SMURF1: variants seen among roughly 807,000 people sequenced by gnomAD.
The protein encoded by SMURF1 is SMAD specific E3 ubiquitin protein ligase 1.
Under a neutral mutation model 98.0 loss-of-function variants are expected in SMURF1, and 44 were observed. The ratio of observed to expected loss-of-function variants is 0.45; its 90% CI spans 0.35 to 0.58. The LOEUF (loss-of-function observed/expected upper bound fraction) is 0.58. SMURF1 is among the 20% of genes least tolerant of loss of function. The pLI, the probability that SMURF1 is intolerant of heterozygous loss-of-function variation, is 0.00. For synonymous variants in SMURF1, 396 were observed against 374.9 expected (o/e 1.06, Z -0.65); for missense variants, 687 against 938.4 (o/e 0.73, Z 3.50).
intron 1 of SMURF1, among the ~76,000 whole-genome samples, chr7:99,134,794 T>G (rs1053580110): frequency 2.0e-5 from 3 of 152,214 alleles, no homozygotes; most frequent in African/African-American, 7.2e-5. Context: ...ATAAATTATG[T>G]AAACCACTAT....
At chr7:99,143,354 C>T (rs1798181006) in intron 1 of SMURF1, among the ~76,000 whole-genome samples, 1 of 126,988 alleles carries the variant, frequency 7.9e-6, no homozygotes, top group African/African-American at 3.1e-5. Flanking sequence ...GGGGAAAGGG[C>T]CTGGAAGGAG....
At chr7:99,116,418 TA>T (rs1797455098) in intron 1 of SMURF1, among the ~76,000 whole-genome samples, 1 of 152,010 alleles carries the variant, frequency 6.6e-6, no homozygotes, top group African/African-American at 2.4e-5. Context: ...ATGGAAGAAG[TA>T]AAACTATCTC....
At chr7:99,142,919 G>A (rs2150663146) in intron 1 of SMURF1, among the ~76,000 whole-genome samples, 2 of 140,176 alleles carry the variant, frequency 1.4e-5, no homozygotes, top group African/African-American at 5.4e-5. Flanking sequence ...GATGGGAAGC[G>A]AGGAGAAGGA....
intron 1 of SMURF1, among the ~76,000 whole-genome samples, chr7:99,119,726 C>T (rs1330189007): frequency 2.0e-5 from 3 of 152,118 alleles, no homozygotes; most frequent in Non-Finnish European, 4.4e-5. Context: ...CAGTTGGGGG[C>T]CTTTGGGCAC....
chr7:99,056,273 CAG>C (rs1424685082), intron 5 of SMURF1, among the ~76,000 whole-genome samples: 1 of 152,024 alleles, frequency 6.6e-6, no homozygotes, highest in Admixed American at 6.6e-5. Flanking sequence ...CAGTGTGCTG[CAG>C]AGAGACCTTT....
chr7:99,060,523 C>G (rs1406735007), intron 3 of SMURF1, 76 bp downstream of exon 3: 25 of 780,902 alleles, frequency 3.2e-5, no homozygotes, highest in Non-Finnish European at 4.3e-5. Flanking sequence ...TTTTTTTTCT[C>G]TTGGATGTTT....
intron 1 of SMURF1, among the ~76,000 whole-genome samples, chr7:99,062,702 G>T (rs1796059775): frequency 6.6e-6 from 1 of 152,024 alleles, no homozygotes; most frequent in African/African-American, 2.4e-5. Flanking sequence ...ACAAAAATTA[G>T]CTGTGTGTGG....
chr7:99,093,212 C>T (rs1796854054), intron 1 of SMURF1, among the ~76,000 whole-genome samples: 1 of 152,170 alleles, frequency 6.6e-6, no homozygotes, highest in Admixed American at 6.5e-5. Flanking sequence ...TTCCCACTTC[C>T]AGAATTATAA....
chr7:99,063,241 T>TTATATA (rs1178325637), intron 1 of SMURF1, among the ~76,000 whole-genome samples: 3 of 34,910 alleles, frequency 8.6e-5, no homozygotes, highest in Non-Finnish European at 1.6e-4. Context: ...TAAGATTTAT[T>TTATATA]TATATATATA....
intron 16 of SMURF1, 147 bp from the exon 17 acceptor site, chr7:99,033,268 G>C (rs1794988862): frequency 1.4e-6 from 1 of 734,918 alleles, no homozygotes. Flanking sequence ...GAGGTTCCCA[G>C]GCCTGGTTTT....
At chr7:99,071,807 C>A (rs1796330473) in intron 1 of SMURF1, among the ~76,000 whole-genome samples, 2 of 152,164 alleles carry the variant, frequency 1.3e-5, no homozygotes, top group African/African-American at 4.8e-5. Context: ...GACTCAGCGG[C>A]TCATGCCTGT....
rs1795244188 is a variant in SMURF1 at position 99,038,536 on chromosome 7, AAGACAGAAGGATGTAGGTT to A, written c.1551-30_1551-12del. On this transcript the variant is annotated splice_polypyrimidine_tract_variant and intron_variant, in intron 13 of 17. Coordinates refer to ENST00000361368, the MANE Select transcript of SMURF1 (RefSeq NM_181349.3). ...GTGATGTCGTTCTCTCTGTTGAAATAAGACAGAAGGATGTAGGTTAGAACTCTGCCACCACGCGGGGCCA... is the reference window on the plus strand; with the variant it reads ...GTGATGTCGTTCTCTCTGTTGAAATAAGAACTCTGCCACCACGCGGGGCCA... 6.2e-7 allele frequency: 1 copy of A among 1,613,224 alleles called. No individual in the cohort carries two copies. The highest frequency in any genetic ancestry group is 1.3e-5 in the African/African-American group (1 of 74,912).
chr7:99,051,117 A>G, intron 8 of SMURF1: 1 of 896,534 alleles, frequency 1.1e-6, no homozygotes, highest in Non-Finnish European at 1.7e-6. Context: ...TTGCTGTGTA[A>G]CCAACTTCAA....
At position 99,103,641 on chromosome 7, in the gene SMURF1, AT is replaced by A. The variant is rs55997713; in HGVS notation, c.55+40084del. On this transcript the variant is annotated intron_variant, in intron 1 of 17. Coordinates refer to ENST00000361368, the MANE Select transcript of SMURF1 (RefSeq NM_181349.3). ...ATCTTAAAAAGCTTCACAGATTTAAATCTTCCATTTAAAGCACAACTTATTT... is the reference window on the plus strand; with the variant it reads ...ATCTTAAAAAGCTTCACAGATTTAAACTTCCATTTAAAGCACAACTTATTT... 6.1e-3 allele frequency among the ~76,000 whole-genome samples: 936 copies of A among 152,324 alleles called. 4 individuals carry two copies. The highest frequency in any genetic ancestry group is 8.6e-3 in the Non-Finnish European group (584 of 68,016).
intron 1 of SMURF1, among the ~76,000 whole-genome samples, chr7:99,097,418 G>A (rs1182564240): frequency 1.3e-5 from 2 of 152,168 alleles, no homozygotes; most frequent in East Asian, 3.8e-4. Flanking sequence ...GCTGGGAGGT[G>A]GACCTCATGG....
chr7:99,085,193 A>G (rs1490333476), intron 1 of SMURF1, among the ~76,000 whole-genome samples: 1 of 151,966 alleles, frequency 6.6e-6, no homozygotes, highest in East Asian at 1.9e-4. Flanking sequence ...TCTACTAAAA[A>G]TACAAAAAAA....
At chr7:99,109,004 T>C (rs1797263595) in intron 1 of SMURF1, among the ~76,000 whole-genome samples, 1 of 152,168 alleles carries the variant, frequency 6.6e-6, no homozygotes, top group Non-Finnish European at 1.5e-5. Flanking sequence ...ACCCACGTTC[T>C]TTCCTCTCCA....
intron 1 of SMURF1, among the ~76,000 whole-genome samples, chr7:99,139,201 C>T (rs1584223063): frequency 6.6e-6 from 1 of 152,312 alleles, no homozygotes; most frequent in East Asian, 1.9e-4. Context: ...ACAGCTATTA[C>T]CACAACTATT....
chr7:99,094,925 G>A (rs1177110985), intron 1 of SMURF1, among the ~76,000 whole-genome samples: 3 of 152,160 alleles, frequency 2.0e-5, no homozygotes, highest in Non-Finnish European at 4.4e-5. Flanking sequence ...CCTCAGTTTG[G>A]CTACCTGCAC....
Sources: gnomAD v4.1 joint callset for allele counts (sites outside exome capture counted in the v4.1 genomes callset) on GRCh38, gnomAD v4.1.1 for gene constraint, MANE v1.5 for transcripts, NCBI Gene and HGNC (gene_info 2026-07-23, HGNC 2026-07-21) for gene names.